The following NR3C2 variants were observed in gnomAD, a reference collection of about 807,000 sequenced individuals.
NR3C2 encodes the protein nuclear receptor subfamily 3 group C member 2, also known as mineralocorticoid receptor.
A neutral mutation model predicts 86.4 loss-of-function variants in NR3C2; 15 were observed. That is an observed-to-expected ratio of 0.17 (90% CI 0.12 to 0.27). The LOEUF is 0.27. NR3C2 is among the 10% of genes least tolerant of loss of function. The pLI is 1.00. For missense variants in NR3C2, 960 were observed against 1,195.6 expected, an observed-to-expected ratio of 0.80 and a Z score of 2.91; for synonymous variants, 458 against 450.5, an observed-to-expected ratio of 1.02 and a Z score of -0.21.
chr4:148,096,638 G>T (rs1731288305), intron 8 of NR3C2, among the ~76,000 whole-genome samples: 1 of 152,030 alleles, frequency 6.6e-6, no homozygotes, highest in African/African-American at 2.4e-5. Flanking sequence ...GTCAAATCTG[G>T]CCTCATGCTT....
intron 4 of NR3C2, among the ~76,000 whole-genome samples, chr4:148,170,490 G>T (rs2149783516): frequency 6.6e-6 from 1 of 152,052 alleles, no homozygotes; most frequent in East Asian, 1.9e-4. Context: ...ACAAACATTT[G>T]CACTTCTGAC....
chr4:148,128,536 G>A (rs1403270508), intron 6 of NR3C2, among the ~76,000 whole-genome samples: 6 of 152,156 alleles, frequency 3.9e-5, no homozygotes, highest in Admixed American at 3.9e-4. Flanking sequence ...GACACTTCAT[G>A]CGGTGGCCAT....
At chr4:148,257,751 C>CA (rs1739902452) in intron 3 of NR3C2, among the ~76,000 whole-genome samples, 1 of 151,940 alleles carries the variant, frequency 6.6e-6, no homozygotes, top group South Asian at 2.1e-4. Flanking sequence ...ACAAAAAATA[C>CA]AAAAACACAA....
chr4:148,293,408 G>C (rs937056523), intron 2 of NR3C2, among the ~76,000 whole-genome samples: 1 of 152,158 alleles, frequency 6.6e-6, no homozygotes, highest in African/African-American at 2.4e-5. Flanking sequence ...TAAAAATTTA[G>C]AGACAGTAAT....
chr4:148,388,307 G>A (rs894071578), intron 2 of NR3C2, among the ~76,000 whole-genome samples: 2 of 152,098 alleles, frequency 1.3e-5, no homozygotes, highest in African/African-American at 2.4e-5. Flanking sequence ...TGGAATATTT[G>A]CATCATACTT....
At chr4:148,137,080 AT>A (rs1381597229) in intron 6 of NR3C2, among the ~76,000 whole-genome samples, 1 of 152,202 alleles carries the variant, frequency 6.6e-6, no homozygotes, top group Non-Finnish European at 1.5e-5. Flanking sequence ...TAGGATATTC[AT>A]TTATAATACT....
chr4:148,079,657 A>G lies in NR3C2; in HGVS notation c.*1687T>C, dbSNP rs935175798. ...ATTTGGGGCAAGAGAAAAGCCATAC[A>G]TTGCATCAGTGCCAAACAAACAGAT... On this transcript the variant is annotated 3_prime_UTR_variant, in exon 9 of 9. Coordinates refer to ENST00000358102, the MANE Select transcript of NR3C2 (RefSeq NM_000901.5). The G allele has an allele frequency of 1.8e-4, 28 of 152,490 alleles. No homozygotes were observed. Among genetic ancestry groups the G allele is most frequent in the African/African-American group, 6.5e-4 (27 of 41,276 alleles). 9.4% of individuals were successfully genotyped at this position (152,490 alleles called of 1,614,324 possible).
chr4:148,290,255 G>A (rs188769778), intron 2 of NR3C2, among the ~76,000 whole-genome samples: 108 of 152,138 alleles, frequency 7.1e-4, no homozygotes, highest in Non-Finnish European at 1.4e-3. Flanking sequence ...ATTAGATTAG[G>A]GTTCAGCCTA....
At chr4:148,145,956 A>C (rs909523753) in intron 6 of NR3C2, among the ~76,000 whole-genome samples, 1 of 152,100 alleles carries the variant, frequency 6.6e-6, no homozygotes, top group Non-Finnish European at 1.5e-5. Context: ...AGAGAAGGGA[A>C]AAGAAACGAA....
At chr4:148,400,254 TG>T (rs1250235401) in intron 2 of NR3C2, among the ~76,000 whole-genome samples, 5 of 152,070 alleles carry the variant, frequency 3.3e-5, no homozygotes, top group Admixed American at 6.5e-5. Flanking sequence ...CTACATGAAG[TG>T]GGGAGCTGGG....
intron 3 of NR3C2, among the ~76,000 whole-genome samples, chr4:148,235,428 T>G (rs1738701702): frequency 1.3e-5 from 2 of 152,196 alleles, no homozygotes; most frequent in African/African-American, 4.8e-5. Flanking sequence ...TTCATTATAC[T>G]ATTTTATCTT....
At chr4:148,194,896 A>G (rs1305958787) in intron 3 of NR3C2, 34 bp from the exon 4 acceptor site, 1 of 1,377,060 alleles carries the variant, frequency 7.3e-7, no homozygotes, top group Non-Finnish European at 1.0e-6. Flanking sequence ...CTGTTAAAAT[A>G]GAGTACACTA....
At position 148,080,829 on chromosome 4, in the gene NR3C2, A is replaced by T. The variant is rs77646785; in HGVS notation, c.*515T>A. 1.4e-5 allele frequency: 6 copies of T among 425,742 alleles called. No homozygotes were observed. Among genetic ancestry groups the T allele is most frequent in the Non-Finnish European group, 2.4e-5 (5 of 207,734 alleles). The allele number at this position is 425,742 out of a possible 1,614,324, so 26.4% of individuals were successfully genotyped here. On this transcript the variant is annotated 3_prime_UTR_variant, in exon 9 of 9. Transcript: ENST00000358102. ...TCAGAGGCAGCTGCTGCCCCACGCC[A>T]CGAGTTCTGTTATTACACAACAGGA... is the stretch of plus-strand genomic sequence containing the variant.
At chr4:148,128,149 CT>C (rs1034869072) in intron 6 of NR3C2, among the ~76,000 whole-genome samples, 1 of 152,148 alleles carries the variant, frequency 6.6e-6, no homozygotes, top group Non-Finnish European at 1.5e-5. Context: ...TGGCTGCCTG[CT>C]TTTAACTGAG....
chr4:148,159,289 C>A (rs930211782), intron 4 of NR3C2, among the ~76,000 whole-genome samples: 1 of 152,088 alleles, frequency 6.6e-6, no homozygotes, highest in African/African-American at 2.4e-5. Flanking sequence ...TAGTTTACTT[C>A]CCTGTGGGAA....
chr4:148,402,210 G>A (rs887975065), intron 2 of NR3C2, among the ~76,000 whole-genome samples: 17 of 152,070 alleles, frequency 1.1e-4, no homozygotes, highest in Non-Finnish European at 1.9e-4. Flanking sequence ...TTACCTTCTA[G>A]GCTTTGAATT....
chr4:148,333,095 C>T (rs541598252), intron 2 of NR3C2, among the ~76,000 whole-genome samples: 15 of 151,762 alleles, frequency 9.9e-5, no homozygotes, highest in African/African-American at 3.6e-4. Flanking sequence ...GAAAAACCCC[C>T]TTTCTACTAA....
intron 2 of NR3C2, among the ~76,000 whole-genome samples, chr4:148,393,220 T>C (rs1209241033): frequency 6.6e-6 from 1 of 152,172 alleles, no homozygotes; most frequent in Non-Finnish European, 1.5e-5. Flanking sequence ...CTGACATTTT[T>C]TAGTAGGGAA....
At position 148,080,540 on chromosome 4, in the gene NR3C2, C is replaced by A. The variant is rs72648707; in HGVS notation, c.*804G>T. On this transcript the variant is annotated 3_prime_UTR_variant, in exon 9 of 9. Transcript: ENST00000358102. ...CTTTCAAAAATACTTTCCCATTCAT[C>A]CTATTAACCATTAAAGATTTTTTTT... is the stretch of plus-strand genomic sequence containing the variant. The A allele has an allele frequency of 2.0e-3, 315 of 156,454 alleles. 2 individuals are homozygous for A. The highest frequency in any genetic ancestry group is 3.8e-3 in the Non-Finnish European group (268 of 69,936). The allele number at this position is 156,454 out of a possible 1,614,324, so 9.7% of individuals were successfully genotyped here. A position where few individuals can be genotyped will look rare whatever the true frequency, so the allele number is the denominator to read the frequency against.
Sources: gnomAD v4.1 joint callset for allele counts (sites outside exome capture counted in the v4.1 genomes callset) on GRCh38, gnomAD v4.1.1 for gene constraint, MANE v1.5 for transcripts, NCBI Gene and HGNC (gene_info 2026-07-23, HGNC 2026-07-21) for gene names.